The following CRIM1 variants were observed in gnomAD, a reference collection of about 807,000 sequenced individuals.
The protein encoded by CRIM1 is cysteine rich transmembrane BMP regulator 1.
A neutral mutation model predicts 116.4 loss-of-function variants in CRIM1; 32 were observed. The observed-to-expected ratio is 0.27, with a 90% CI of 0.21 to 0.37. The LOEUF is 0.37. Ranked by LOEUF, CRIM1 falls within the 10% of genes least tolerant of loss-of-function variation. CRIM1 has a pLI of 1.00. For synonymous variants in CRIM1, 590 were observed against 509.2 expected, an observed-to-expected ratio of 1.16 and a Z score of -2.13; for missense variants, 1,331 against 1,354.8, an observed-to-expected ratio of 0.98 and a Z score of 0.28.
chr2:36,532,931 T>C (rs570489841), intron 13 of CRIM1, among the ~76,000 whole-genome samples: 3 of 152,312 alleles, frequency 2.0e-5, no homozygotes, highest in Non-Finnish European at 2.9e-5. Context: ...AGAACAAAAC[T>C]TAATTGTCAG....
intron 1 of CRIM1, among the ~76,000 whole-genome samples, chr2:36,388,654 C>T (rs188633113): frequency 5.8e-4 from 89 of 152,302 alleles, no homozygotes; most frequent in Middle Eastern, 6.8e-3. Flanking sequence ...CACCATCCCC[C>T]TCTGGGCTGT....
rs144372336 is a variant in CRIM1, at chr2:36,412,152, A to G, written c.505+15365A>G. Among the ~76,000 whole-genome samples, 6 of 152,306 alleles carry G rather than the reference A, an allele frequency of 3.9e-5. No homozygotes were observed. In the East Asian group the frequency reaches 9.6e-4, roughly 24 times the overall value. ...CTGCTACGGGTCATGATTAGATGGT[A>G]TGTCCACTAGTAACTGTGATGACGC... On this transcript the variant is annotated intron_variant, in intron 2 of 16. Transcript: ENST00000280527.
At chr2:36,515,972 C>G (rs886745953) in intron 11 of CRIM1, among the ~76,000 whole-genome samples, 1 of 152,240 alleles carries the variant, frequency 6.6e-6, no homozygotes, top group South Asian at 2.1e-4. Flanking sequence ...TTGTAATTCT[C>G]TTCCTCTCTC....
At chr2:36,435,621 C>T (rs1675251643) in intron 2 of CRIM1, among the ~76,000 whole-genome samples, 2 of 150,808 alleles carry the variant, frequency 1.3e-5, no homozygotes, top group Admixed American at 1.3e-4. Context: ...AAAGTAATCG[C>T]AGTTTTTGTC....
intron 1 of CRIM1, among the ~76,000 whole-genome samples, chr2:36,364,647 C>T (rs552303808): frequency 6.6e-6 from 1 of 152,152 alleles, no homozygotes; most frequent in Non-Finnish European, 1.5e-5. Context: ...GGGCTTGGGG[C>T]TAGACAAACC....
chr2:36,459,491 G>A (rs1241779960), intron 4 of CRIM1, among the ~76,000 whole-genome samples: 1 of 152,150 alleles, frequency 6.6e-6, no homozygotes, highest in Non-Finnish European at 1.5e-5. Context: ...TATAAGACAA[G>A]TAAGACATGC....
At chr2:36,395,263 A>C (rs1476961763) in intron 1 of CRIM1, among the ~76,000 whole-genome samples, 1 of 152,168 alleles carries the variant, frequency 6.6e-6, no homozygotes, top group Non-Finnish European at 1.5e-5. Flanking sequence ...TGGCCTCCCA[A>C]AACGCTGGGA....
chr2:36,541,713 C>G (rs929116008), intron 14 of CRIM1, among the ~76,000 whole-genome samples: 1 of 152,166 alleles, frequency 6.6e-6, no homozygotes, highest in Non-Finnish European at 1.5e-5. Context: ...AGCACAGGAG[C>G]GATTGTGACC....
intron 2 of CRIM1, among the ~76,000 whole-genome samples, chr2:36,407,526 G>T (rs1672901068): frequency 6.6e-6 from 1 of 152,164 alleles, no homozygotes; most frequent in East Asian, 1.9e-4. Flanking sequence ...AAATAAAAGG[G>T]TTACCAAAAG....
At chr2:36,472,988 A>G (rs148332085) in intron 5 of CRIM1, among the ~76,000 whole-genome samples, 74 of 152,338 alleles carry the variant, frequency 4.9e-4, no homozygotes, top group African/African-American at 1.7e-3. Flanking sequence ...GAGTTTAAAC[A>G]TTCACATGTA....
At chr2:36,422,643 A>T (rs1021479915) in intron 2 of CRIM1, among the ~76,000 whole-genome samples, 2 of 152,242 alleles carry the variant, frequency 1.3e-5, no homozygotes, top group Non-Finnish European at 2.9e-5. Context: ...TTCCTTAATG[A>T]TACGATTCTT....
intron 2 of CRIM1, among the ~76,000 whole-genome samples, chr2:36,408,752 C>T (rs1275509081): frequency 6.6e-6 from 1 of 151,840 alleles, no homozygotes; most frequent in African/African-American, 2.4e-5. Flanking sequence ...TTTTGGACAA[C>T]TCAACCAAGC....
chr2:36,516,212 G>T (rs1418891151), intron 11 of CRIM1, among the ~76,000 whole-genome samples: 1 of 152,122 alleles, frequency 6.6e-6, no homozygotes, highest in Non-Finnish European at 1.5e-5. Context: ...GAAAGTCATA[G>T]CCCCAATTCA....
chr2:36,483,526 G>C (rs1474712985), intron 7 of CRIM1, among the ~76,000 whole-genome samples: 1 of 152,146 alleles, frequency 6.6e-6, no homozygotes, highest in African/African-American at 2.4e-5. Flanking sequence ...CATGTAATTT[G>C]CCCAGGGTCA....
In CRIM1 at chr2:36,520,452, G is replaced by C. The variant is rs144826986; in HGVS notation, c.2207-1640G>C. On this transcript the variant is annotated intron_variant, in intron 12 of 16. Coordinates refer to ENST00000280527, the MANE Select transcript of CRIM1 (RefSeq NM_016441.3). ...TAGCACTGGTCAGTCTCTTAGAGAA[G>C]AAATTATCCCTCGACGTAGATAACC... 5.0e-3 allele frequency among the ~76,000 whole-genome samples: 757 copies of C among 152,322 alleles called. 4 individuals carry two copies. Among genetic ancestry groups the C allele is most frequent in the African/African-American group, 0.018 (731 of 41,576 alleles).
chr2:36,418,990 C>T (rs1429709562), intron 2 of CRIM1, among the ~76,000 whole-genome samples: 2 of 152,176 alleles, frequency 1.3e-5, no homozygotes, highest in East Asian at 3.9e-4. Context: ...CACTGCCTTC[C>T]CCACTTCTCC....
At position 36,430,910 on chromosome 2, in the gene CRIM1, T is replaced by C. The variant is rs530667036; in HGVS notation, c.506-10348T>C. On this transcript the variant is annotated intron_variant, in intron 2 of 16. Transcript: ENST00000280527. ...AGGGCCCATCCACACATCTTGAATG[T>C]AGAAATAGCTGAGAACAGTCTCCAG... 1.7e-4 allele frequency among the ~76,000 whole-genome samples: 26 copies of C among 152,338 alleles called. No individual in the cohort carries two copies. In the South Asian group the frequency reaches 5.2e-3, roughly 30 times the overall value.
chr2:36,547,561 A>G (rs1405685197), intron 16 of CRIM1, among the ~76,000 whole-genome samples: 2 of 152,184 alleles, frequency 1.3e-5, no homozygotes, highest in African/African-American at 2.4e-5. Flanking sequence ...AAAAGTCCCA[A>G]AGGGATGGAG....
In CRIM1 at chr2:36,499,307, A is replaced by C. The variant is rs748337826; in HGVS notation, c.1461A>C (p.Lys487Asn). Residue 487 changes from lysine to asparagine, a missense_variant, in exon 8 of 17, where the codon AAA (lysine) becomes AAC (asparagine). Around this residue, in one of 3 missense-constraint regions of CRIM1, gnomAD observed 690 missense variants for 676.0 expected, o/e 1.02. Coordinates refer to ENST00000280527, the MANE Select transcript of CRIM1 (RefSeq NM_016441.3). Reference protein sequence around the residue: ...LTGKDCINGFKRDHNGCRTCQ... With the variant: ...LTGKDCINGFNRDHNGCRTCQ... ...GGAAGGACTGCATTAATGGTTTCAA[A>C]CGCGATCACAATGGTTGTCGGACCT... The C allele has an allele frequency of 6.2e-7, 1 of 1,614,142 alleles. No homozygotes were observed. Among genetic ancestry groups the C allele is most frequent in the South Asian group, 1.1e-5 (1 of 91,076 alleles).
Sources: gnomAD v4.1 joint callset for allele counts (sites outside exome capture counted in the v4.1 genomes callset) on GRCh38, gnomAD v4.1.1 for gene constraint, gnomAD v4.1.1 regional missense constraint, MANE v1.5 for transcripts, NCBI Gene and HGNC (gene_info 2026-07-23, HGNC 2026-07-21) for gene names.